DDAH1: variants seen among roughly 807,000 people sequenced by gnomAD.
DDAH1 encodes dimethylarginine dimethylaminohydrolase 1, also known as N(G),N(G)-dimethylarginine dimethylaminohydrolase 1.
Under a neutral mutation model 28.8 loss-of-function variants are expected in DDAH1, and 19 were observed. That is an observed-to-expected ratio of 0.66 (90% CI 0.46 to 0.97). DDAH1 has a LOEUF of 0.97. Ranked by LOEUF, DDAH1 falls within the 50% of genes least tolerant of loss-of-function variation. DDAH1 has a pLI of 0.00. For synonymous variants in DDAH1, 153 were observed against 154.4 expected, an observed-to-expected ratio of 0.99 and a Z score of 0.07; for missense variants, 326 against 375.9, an observed-to-expected ratio of 0.87 and a Z score of 1.10.
intron 1 of DDAH1, among the ~76,000 whole-genome samples, chr1:85,365,810 A>G (rs956039297): frequency 3.9e-5 from 6 of 152,138 alleles, no homozygotes; most frequent in Non-Finnish European, 7.4e-5. Context: ...AAATATGATG[A>G]AGATATCATA....
At chr1:85,395,672 CAAAAAAAA>C (rs71075833) in intron 1 of DDAH1, among the ~76,000 whole-genome samples, 8 of 139,538 alleles carry the variant, frequency 5.7e-5, no homozygotes, top group Non-Finnish European at 1.1e-4. Context: ...GACTCCATCT[CAAAAAAAA>C]AAAAAGAAAA....
chr1:85,421,539 T>C (rs1570519492), intron 1 of DDAH1, among the ~76,000 whole-genome samples: 2 of 152,170 alleles, frequency 1.3e-5, no homozygotes, highest in South Asian at 2.1e-4. Context: ...AAATTACATA[T>C]CTGTAATTAT....
At chr1:85,496,185 T>C in exon 2 of DDAH1, 1 of 980,940 alleles carries the variant, frequency 1.0e-6, no homozygotes, top group Non-Finnish European at 1.2e-6. Context: ...ATTTAGAAGG[T>C]CTTTCTTGAA....
intron 1 of DDAH1, among the ~76,000 whole-genome samples, chr1:85,417,979 T>C (rs186475857): frequency 9.2e-5 from 14 of 152,356 alleles, no homozygotes; most frequent in African/African-American, 2.9e-4. Context: ...CATAGTTGCT[T>C]TGCGGAAAGT....
At position 85,321,414 on chromosome 1, in the gene DDAH1, T is replaced by C. The variant is rs536924149; in HGVS notation, c.*38A>G. On this transcript the variant is annotated 3_prime_UTR_variant, in exon 6 of 6. Coordinates refer to ENST00000284031, the MANE Select transcript of DDAH1 (RefSeq NM_012137.4). ...TGGGCACAGAGTCATCGGCCTTGCC[T>C]GTGCGGTCTTGCCGGCTACCGGGGG... The C allele has an allele frequency of 3.2e-5, 43 of 1,356,138 alleles. 1 individual carries two copies. The highest frequency in any genetic ancestry group is 3.8e-4 in the Middle Eastern group (2 of 5,290). The allele number at this position is 1,356,138 out of a possible 1,614,324, so 84.0% of individuals were successfully genotyped here. A position where few individuals can be genotyped will look rare whatever the true frequency, so the allele number is the denominator to read the frequency against.
At chr1:85,411,974 A>G (rs979154950) in intron 1 of DDAH1, among the ~76,000 whole-genome samples, 1 of 152,210 alleles carries the variant, frequency 6.6e-6, no homozygotes, top group Non-Finnish European at 1.5e-5. Flanking sequence ...CTCCACTGAT[A>G]TCATTAGAAC....
chr1:85,558,478 G>A (rs1439012965), intron 1 of DDAH1, among the ~76,000 whole-genome samples: 1 of 152,176 alleles, frequency 6.6e-6, no homozygotes, highest in East Asian at 1.9e-4. Flanking sequence ...ATGCCTATCA[G>A]GACATTCTTT....
At chr1:85,542,178 G>A (rs972060616) in intron 1 of DDAH1, among the ~76,000 whole-genome samples, 1 of 152,026 alleles carries the variant, frequency 6.6e-6, no homozygotes, top group Non-Finnish European at 1.5e-5. Flanking sequence ...CTTACTTCAG[G>A]GCCTGAACAC....
At chr1:85,430,279 C>T (rs1234607571) in intron 1 of DDAH1, among the ~76,000 whole-genome samples, 1 of 152,028 alleles carries the variant, frequency 6.6e-6, no homozygotes, top group Admixed American at 6.6e-5. Flanking sequence ...GGTACTAGTA[C>T]CATGCTGTTT....
intron 1 of DDAH1, among the ~76,000 whole-genome samples, chr1:85,368,073 T>C (rs1284327456): frequency 6.6e-6 from 1 of 152,200 alleles, no homozygotes; most frequent in African/African-American, 2.4e-5. Flanking sequence ...AGGATTTTTT[T>C]CTGTTTATAG....
intron 1 of DDAH1, among the ~76,000 whole-genome samples, chr1:85,518,794 A>C (rs1458315052): frequency 6.6e-6 from 1 of 152,190 alleles, no homozygotes; most frequent in Non-Finnish European, 1.5e-5. Context: ...GGGGACCATT[A>C]TTCTATCTGC....
intron 1 of DDAH1, among the ~76,000 whole-genome samples, chr1:85,575,432 C>G (rs1659574693): frequency 6.6e-6 from 1 of 152,120 alleles, no homozygotes; most frequent in South Asian, 2.1e-4. Flanking sequence ...GTCAAAAGAA[C>G]CCCAGAGGTC....
chr1:85,515,776 GA>G (rs3058834), intron 1 of DDAH1, among the ~76,000 whole-genome samples: 1 of 150,492 alleles, frequency 6.6e-6, no homozygotes, highest in Non-Finnish European at 1.5e-5. Flanking sequence ...AGAAACTTCT[GA>G]AAAAAAAAGA....
intron 1 of DDAH1, among the ~76,000 whole-genome samples, chr1:85,373,163 T>G (rs964499022): frequency 1.3e-5 from 2 of 152,184 alleles, no homozygotes; most frequent in Non-Finnish European, 2.9e-5. Context: ...TATTTCTTAT[T>G]GACGTTATAT....
chr1:85,385,671 G>A (rs928301621), intron 1 of DDAH1, among the ~76,000 whole-genome samples: 1 of 152,156 alleles, frequency 6.6e-6, no homozygotes, highest in African/African-American at 2.4e-5. Context: ...TTTGAATATA[G>A]GATCTACCAC....
intron 1 of DDAH1, among the ~76,000 whole-genome samples, chr1:85,405,802 C>T (rs1652375852): frequency 1.3e-5 from 2 of 152,170 alleles, no homozygotes; most frequent in African/African-American, 4.8e-5. Flanking sequence ...GAAAGAATGC[C>T]AAGGTGCAAG....
chr1:85,383,505 A>C (rs72724605), intron 1 of DDAH1, among the ~76,000 whole-genome samples: 12,774 of 152,246 alleles, frequency 0.084, 581 homozygotes, highest in Middle Eastern at 0.14. Context: ...AATGATAATA[A>C]AATATTTAGA....
intron 1 of DDAH1, among the ~76,000 whole-genome samples, chr1:85,461,782 T>G (rs1298989770): frequency 6.6e-6 from 1 of 152,202 alleles, no homozygotes; most frequent in East Asian, 1.9e-4. Flanking sequence ...TACAGAACGG[T>G]AAACAGGCAA....
At chr1:85,439,240 C>T (rs551166891) in intron 1 of DDAH1, among the ~76,000 whole-genome samples, 103 of 152,324 alleles carry the variant, frequency 6.8e-4, no homozygotes, top group African/African-American at 1.6e-3. Context: ...AAAGACAATT[C>T]GCCAACTAAT....
Sources: gnomAD v4.1 joint callset for allele counts (sites outside exome capture counted in the v4.1 genomes callset) on GRCh38, gnomAD v4.1.1 for gene constraint, MANE v1.5 for transcripts, NCBI Gene and HGNC (gene_info 2026-07-23, HGNC 2026-07-21) for gene names.